Variants in FGR observed in about 807,000 individuals in gnomAD.
The protein encoded by FGR is tyrosine-protein kinase Fgr.
FGR carries 26 observed loss-of-function variants against 63.2 expected under a neutral mutation model. The ratio of observed to expected loss-of-function variants is 0.41; its 90% CI spans 0.30 to 0.57. The LOEUF is 0.57. Among genes scored for constraint, FGR ranks in the 20% least tolerant of loss-of-function variants. The probability of loss-of-function intolerance (pLI) is 0.27; values close to 1 mark genes in which losing one functional copy is unlikely to be tolerated. For missense variants in FGR, 511 were observed against 690.8 expected, an observed-to-expected ratio of 0.74 and a Z score of 2.92; for synonymous variants, 286 against 277.7, an observed-to-expected ratio of 1.03 and a Z score of -0.30.
chr1:27,622,946 G>T (rs2089957376), intron 4 of FGR, 96 bp downstream of exon 4: 1 of 853,010 alleles, frequency 1.2e-6, no homozygotes, highest in Non-Finnish European at 2.0e-6. Flanking sequence ...TCCCAACTAG[G>T]CTGGAGCATT....
chr1:27,614,855 C>A lies in FGR; in HGVS notation c.1090G>T (p.Ala364Ser), dbSNP rs1398090450. Reference protein sequence around the residue: ...LRLPQLVDMAAQVAEGMAYME... With the variant: ...LRLPQLVDMASQVAEGMAYME... The stretch of plus-strand genomic sequence containing the variant: ...AAGGCTGCTGGCCCAGTTACCTGGG[C>A]TGCCATGTCCACCAATTGGGGCAGC... The change falls in exon 10 of 13, where the codon GCC becomes TCC. Residue 364 changes from alanine to serine, a missense_variant. Ala to Ser is a moderately conservative substitution (Grantham distance 99). Transcript: ENST00000374005. The A allele has an allele frequency of 6.3e-7, 1 of 1,589,206 alleles. No homozygotes were observed. Among genetic ancestry groups the A allele is most frequent in the Non-Finnish European group, 8.6e-7 (1 of 1,166,054 alleles).
chr1:27,624,837 C>T (rs566307658), intron 2 of FGR, among the ~76,000 whole-genome samples: 60 of 151,910 alleles, frequency 3.9e-4, no homozygotes, highest in Non-Finnish European at 7.4e-4. Flanking sequence ...TATATATCTG[C>T]GCATGTTTGT....
intron 5 of FGR, among the ~76,000 whole-genome samples, chr1:27,620,185 C>T (rs1037822512): frequency 3.3e-5 from 5 of 151,976 alleles, no homozygotes; most frequent in East Asian, 1.9e-4. Context: ...GGTGTGGTGG[C>T]GTGCACCTGT....
In FGR at chr1:27,623,744, G is replaced by C. The variant is rs1288130754; in HGVS notation, c.173C>G (p.Ser58Cys). 1 of 1,614,252 alleles carries C rather than the reference G, an allele frequency of 6.2e-7. No individual in the cohort carries two copies. Among genetic ancestry groups the C allele is most frequent in the East Asian group, 2.2e-5 (1 of 44,888 alleles). The part of the protein sequence containing the change: ...AHIPNYSNFS[S>C]QAINPGFLDS... ...AAGGAAGCCAGGGTTGATGGCCTGAGAGGAGAAGTTGCTGTAGTTGGGGAT... is the reference window on the plus strand; with the variant it reads ...AAGGAAGCCAGGGTTGATGGCCTGACAGGAGAAGTTGCTGTAGTTGGGGAT... The change falls in exon 3 of 13, where the codon TCT becomes TGT. Residue 58 changes from serine to cysteine, a missense_variant. Physicochemically the swap from Ser to Cys is moderately radical, Grantham distance 112 (BLOSUM62 -1). Transcript: ENST00000374005.
At chr1:27,626,932 C>T (rs1015055118) in intron 1 of FGR, among the ~76,000 whole-genome samples, 3 of 151,958 alleles carry the variant, frequency 2.0e-5, no homozygotes, top group Non-Finnish European at 2.9e-5. Context: ...TTTGGTAGGC[C>T]GAGGCAGGAT....
At chr1:27,623,257 G>A (rs1571396312) in intron 3 of FGR, 113 bp from the exon 4 acceptor site, 3 of 750,826 alleles carry the variant, frequency 4.0e-6, no homozygotes, top group African/African-American at 1.7e-5. Context: ...CTCCTTTAGT[G>A]CTCTGGTTCC....
rs911327784 is a variant in FGR at position 27,616,190 on chromosome 1, G to A, written c.683-346C>T. ...TTCCAGGCAAAGGTGTGGACATGAG[G>A]CCCACGGTCTTCCGTGGACCTCATC... On this transcript the variant is annotated intron_variant, in intron 7 of 12. Coordinates refer to ENST00000374005, the MANE Select transcript of FGR (RefSeq NM_005248.3). This position sits in a 1 kb window ranked among gnomAD's most constrained non-coding sequence, Gnocchi z 4.3. Among the ~76,000 whole-genome samples the A allele has an allele frequency of 8.5e-5, 13 of 152,154 alleles. No homozygotes were observed. Among genetic ancestry groups the A allele is most frequent in the Non-Finnish European group, 1.5e-5 (1 of 68,016 alleles).
intron 2 of FGR, 127 bp downstream of exon 2, chr1:27,624,962 C>T (rs1383464478): frequency 6.6e-6 from 1 of 152,606 alleles, no homozygotes; most frequent in East Asian, 1.9e-4. Context: ...CTCATTCTGG[C>T]TCCCCCATCC....
At position 27,625,079 on chromosome 1, in the gene FGR, C is replaced by G. The variant is rs983881105; in HGVS notation, c.-14+10G>C. The G allele has an allele frequency of 6.6e-6, 1 of 152,656 alleles. No homozygotes were observed. Among genetic ancestry groups the G allele is most frequent in the Non-Finnish European group, 1.5e-5 (1 of 68,106 alleles). 9.5% of individuals were successfully genotyped at this position (152,656 alleles called of 1,614,324 possible). The stretch of plus-strand genomic sequence containing the variant: ...CCTGACCCTGAAAGCCCTCAGTCTA[C>G]CCCACTCACCCCTTAGGCCCCTACT... On this transcript the variant is annotated intron_variant, in intron 2 of 12. Transcript: ENST00000374005.
intron 4 of FGR, among the ~76,000 whole-genome samples, chr1:27,622,536 C>G (rs995286803): frequency 2.6e-5 from 4 of 151,730 alleles, no homozygotes; most frequent in Admixed American, 6.6e-5. Context: ...AATGGAGTCT[C>G]CCTCTGTTGC....
In FGR at chr1:27,616,785, C is replaced by G; in HGVS notation, c.682+72G>C. On this transcript the variant is annotated intron_variant, in intron 7 of 12. Coordinates refer to ENST00000374005, the MANE Select transcript of FGR (RefSeq NM_005248.3). This position sits in a 1 kb window ranked among gnomAD's most constrained non-coding sequence, Gnocchi z 4.3. ...ACTGCTTGGTAGTCCCTTCCCTTCT[C>G]TGGGCCTCAGTTCCCCCATCTGGAC... 1 of 1,543,866 alleles carries G rather than the reference C, an allele frequency of 6.5e-7. No individual in the cohort carries two copies. Among genetic ancestry groups the G allele is most frequent in the South Asian group, 1.1e-5 (1 of 89,212 alleles).
chr1:27,620,426 C>A (rs1272726396), intron 5 of FGR, among the ~76,000 whole-genome samples: 2 of 151,940 alleles, frequency 1.3e-5, no homozygotes, highest in Middle Eastern at 3.2e-3. Flanking sequence ...CCAGCCTGAG[C>A]AACATAGCAA....
At position 27,617,218 on chromosome 1, in the gene FGR, G is replaced by A; in HGVS notation, c.507C>T (p.Leu169=). ...CTTTGGTGGTCTCGCTTTCCCGAAT[G>A]AGAAAGGCCCCCTGGGGGTTGCCTG... ...LSPGNPQGAF[L]IRESETTKGA... The change falls in exon 6 of 13, where the codon CTC becomes CTT. Residue 169 remains leucine, a synonymous_variant. Transcript: ENST00000374005. This position sits in a 1 kb window ranked among gnomAD's most constrained non-coding sequence, Gnocchi z 4.5. 6.2e-7 allele frequency: 1 copy of A among 1,614,160 alleles called. No individual in the cohort carries two copies. Among genetic ancestry groups the A allele is most frequent in the Non-Finnish European group, 8.5e-7 (1 of 1,179,984 alleles).
chr1:27,632,395 C>G lies in FGR; in HGVS notation c.-77+2670G>C, dbSNP rs529617590. ...TCAGGTGATCCACCCACCTCGGCCT[C>G]CTAAAGTGCTGGGATTACAGGCGTG... On this transcript the variant is annotated intron_variant, in intron 1 of 12. Transcript: ENST00000374005. Among the ~76,000 whole-genome samples, 5 of 152,224 alleles carry G rather than the reference C, an allele frequency of 3.3e-5. No homozygotes were observed. In the South Asian group the frequency reaches 1.0e-3, roughly 32 times the overall value.
chr1:27,614,614 C>A, intron 10 of FGR, 31 bp from the exon 11 acceptor site: 2 of 1,608,644 alleles, frequency 1.2e-6, no homozygotes, highest in East Asian at 2.2e-5. Flanking sequence ...GAGATGGGAG[C>A]TCATGTGGAC....
chr1:27,622,770 T>G (rs546445000), intron 4 of FGR, among the ~76,000 whole-genome samples: 2 of 152,336 alleles, frequency 1.3e-5, no homozygotes, highest in South Asian at 4.1e-4. Context: ...CCTCCCAAAG[T>G]GCTGGGATTA....
chr1:27,612,892 A>C lies in FGR; in HGVS notation c.*22T>G, dbSNP rs1192065746. ...GGCAAGGACTGGTGGCCACCGCCAG[A>C]GAGGGTTGATGCCCGGACAGGCTAT... On this transcript the variant is annotated 3_prime_UTR_variant, in exon 13 of 13. Transcript: ENST00000374005. 6.2e-7 allele frequency: 1 copy of C among 1,605,644 alleles called. No homozygotes were observed. The highest frequency in any genetic ancestry group is 8.5e-7 in the Non-Finnish European group (1 of 1,174,734).
At chr1:27,623,534 G>A (rs1287787220) in intron 3 of FGR, 157 bp downstream of exon 3, 1 of 769,106 alleles carries the variant, frequency 1.3e-6, no homozygotes, top group Non-Finnish European at 2.2e-6. Context: ...TCTGATGGGA[G>A]GGCTGTACAG....
rs1478456016 is a variant in FGR at position 27,612,898 on chromosome 1, T to C, written c.*16A>G. The C allele has an allele frequency of 6.2e-7, 1 of 1,607,748 alleles. No homozygotes were observed. The highest frequency in any genetic ancestry group is 8.5e-7 in the Non-Finnish European group (1 of 1,176,258). ...GACTGGTGGCCACCGCCAGAGAGGG[T>C]TGATGCCCGGACAGGCTATGTCTGA... is the stretch of plus-strand genomic sequence containing the variant. On this transcript the variant is annotated 3_prime_UTR_variant, in exon 13 of 13. Coordinates refer to ENST00000374005, the MANE Select transcript of FGR (RefSeq NM_005248.3).
Sources: allele counts gnomAD v4.1 joint callset (sites outside exome capture counted in the v4.1 genomes callset), GRCh38; gene constraint gnomAD v4.1.1; non-coding constraint Gnocchi (gnomAD v3.1); transcripts MANE v1.5; gene names NCBI Gene and HGNC (gene_info 2026-07-23, HGNC 2026-07-21).